SLC25A48: variants seen among roughly 807,000 people sequenced by gnomAD.
SLC25A48 encodes CTC-321K16.1.
Under a neutral mutation model 32.2 loss-of-function variants are expected in SLC25A48, and 29 were observed. The observed-to-expected ratio is 0.90, with a 90% CI of 0.67 to 1.23. The LOEUF is 1.23. Among genes scored for constraint, SLC25A48 ranks in the 50% most tolerant of loss-of-function variants. SLC25A48 has a pLI of 0.00. For missense variants in SLC25A48, 399 were observed against 422.7 expected (o/e 0.94, Z 0.49); for synonymous variants, 164 against 172.3 (o/e 0.95, Z 0.38).
chr5:135,635,594 A>G lies in SLC25A48; in HGVS notation c.-521+638A>G, dbSNP rs150373016. Among the ~76,000 whole-genome samples the G allele has an allele frequency of 6.1e-3, 922 of 152,328 alleles. 3 individuals are homozygous for G. Among genetic ancestry groups the G allele is most frequent in the Middle Eastern group, 0.01 (3 of 292 alleles). The stretch of plus-strand genomic sequence containing the variant: ...ATACTGGTCATTTTGCCTTGAATGA[A>G]TCAGTGGTATGCTGGTAAATGTTTA... On this transcript the variant is annotated intron_variant, in intron 3 of 10. Transcript: ENST00000646290.
At chr5:135,742,499 C>T in intron 3 of SLC25A48, 1 of 1,579,494 alleles carries the variant, frequency 6.3e-7, no homozygotes, top group East Asian at 2.3e-5. Context: ...AAGGTGGGCA[C>T]TGAATGTGCT....
At chr5:135,749,828 G>A (rs1385122241) in intron 3 of SLC25A48, among the ~76,000 whole-genome samples, 1 of 152,110 alleles carries the variant, frequency 6.6e-6, no homozygotes, top group Non-Finnish European at 1.5e-5. Flanking sequence ...CTGACCTCAG[G>A]TGATCCGCCT....
intron 4 of SLC25A48, among the ~76,000 whole-genome samples, chr5:135,828,814 G>A (rs1429375374): frequency 6.6e-6 from 1 of 152,216 alleles, no homozygotes; most frequent in African/African-American, 2.4e-5. Flanking sequence ...CAAACTCCAA[G>A]CCTTCCAGCT....
chr5:135,683,561 C>T (rs1202233425), intron 3 of SLC25A48, among the ~76,000 whole-genome samples: 2 of 152,156 alleles, frequency 1.3e-5, no homozygotes, highest in Non-Finnish European at 2.9e-5. Flanking sequence ...GAGGGAGCAT[C>T]TAGAAAAGCA....
Position 135,675,586 on chromosome 5 carries a change from G to A in SLC25A48, c.-521+40630G>A, listed in dbSNP as rs546987489. ...ATGTCTGTTTTTATACTAATACCAT[G>A]CTGTTTTGGTTACTATAATCTTGTA... On this transcript the variant is annotated intron_variant, in intron 3 of 10. Coordinates refer to the SLC25A48 transcript ENST00000646290. 2.6e-5 allele frequency among the ~76,000 whole-genome samples: 4 copies of A among 152,114 alleles called. No individual in the cohort carries two copies. In the East Asian group the frequency reaches 7.7e-4, roughly 29 times the overall value.
intron 1 of SLC25A48, chr5:135,835,220 G>A: frequency 1.8e-6 from 1 of 568,414 alleles, no homozygotes. Flanking sequence ...ACCCTTCAGT[G>A]ACCTGGTGCA....
At chr5:135,605,823 G>A (rs1285577894) in intron 1 of SLC25A48, among the ~76,000 whole-genome samples, 2 of 152,334 alleles carry the variant, frequency 1.3e-5, no homozygotes, top group East Asian at 3.9e-4. Flanking sequence ...TATCTGTGGT[G>A]CCACAGAAAT....
chr5:135,848,613 G>A (rs1222770018), intron 2 of SLC25A48, among the ~76,000 whole-genome samples: 1 of 152,034 alleles, frequency 6.6e-6, no homozygotes, highest in Admixed American at 6.6e-5. Flanking sequence ...ATATTTACTT[G>A]GGAATTATTT....
chr5:135,851,067 T>C (rs1388777708), intron 3 of SLC25A48, among the ~76,000 whole-genome samples: 1 of 152,142 alleles, frequency 6.6e-6, no homozygotes, highest in Non-Finnish European at 1.5e-5. Context: ...TTAGAATAAA[T>C]TTTAAAATTT....
chr5:135,790,624 A>G (rs974825893), intron 3 of SLC25A48, among the ~76,000 whole-genome samples: 6 of 151,684 alleles, frequency 4.0e-5, no homozygotes, highest in Non-Finnish European at 8.8e-5. Context: ...GCGAGATGTT[A>G]CATTTAATGT....
At chr5:135,620,482 G>A (rs905333211) in intron 1 of SLC25A48, among the ~76,000 whole-genome samples, 2 of 152,142 alleles carry the variant, frequency 1.3e-5, no homozygotes, top group African/African-American at 4.8e-5. Context: ...GGGAGAGCAG[G>A]GTTGCTTTTT....
chr5:135,637,402 G>A (rs898857666), intron 3 of SLC25A48, among the ~76,000 whole-genome samples: 4 of 151,988 alleles, frequency 2.6e-5, no homozygotes, highest in Admixed American at 2.0e-4. Context: ...AGGAAAGTTC[G>A]AGCAAGCATG....
chr5:135,779,521 C>CAG (rs1425596801), intron 3 of SLC25A48, among the ~76,000 whole-genome samples: 7 of 120,482 alleles, frequency 5.8e-5, no homozygotes, highest in Admixed American at 8.2e-5. Context: ...AGGGGGTGTA[C>CAG]ATGCCCCCCT....
At chr5:135,642,979 C>G (rs1752875654) in intron 3 of SLC25A48, among the ~76,000 whole-genome samples, 1 of 152,168 alleles carries the variant, frequency 6.6e-6, no homozygotes. Context: ...AGGGAAAGGA[C>G]CCAGGCCAGT....
At chr5:135,805,264 G>A (rs920427261) in intron 3 of SLC25A48, among the ~76,000 whole-genome samples, 5 of 150,662 alleles carry the variant, frequency 3.3e-5, no homozygotes, top group African/African-American at 1.2e-4. Flanking sequence ...AATGTCCTAG[G>A]CAGATATTAT....
chr5:135,835,147 T>C (rs1025119029), intron 1 of SLC25A48: 1 of 685,942 alleles, frequency 1.5e-6, no homozygotes, highest in Non-Finnish European at 2.7e-6. Flanking sequence ...TGGGACTTGA[T>C]GAGGTAATGA....
intron 1 of SLC25A48, among the ~76,000 whole-genome samples, chr5:135,588,329 G>A (rs983671861): frequency 6.6e-5 from 10 of 152,230 alleles, no homozygotes; most frequent in African/African-American, 2.4e-4. Context: ...CATTTGGATT[G>A]GGATGAAAAA....
chr5:135,669,245 G>A (rs962117971), intron 3 of SLC25A48, among the ~76,000 whole-genome samples: 4 of 152,174 alleles, frequency 2.6e-5, no homozygotes, highest in African/African-American at 9.7e-5. Flanking sequence ...TGAGCATTCA[G>A]CCTCTGTCAT....
chr5:135,820,769 C>G (rs1381486639), intron 4 of SLC25A48, among the ~76,000 whole-genome samples: 1 of 152,118 alleles, frequency 6.6e-6, no homozygotes, highest in Non-Finnish European at 1.5e-5. Context: ...AAATAAGAGG[C>G]TTATCTATTA....
Sources: allele counts gnomAD v4.1 joint callset (sites outside exome capture counted in the v4.1 genomes callset), GRCh38; gene constraint gnomAD v4.1.1; transcripts MANE v1.5; gene names NCBI Gene and HGNC (gene_info 2026-07-23, HGNC 2026-07-21).